NR3C1: variants seen among roughly 807,000 people sequenced by gnomAD.
The protein encoded by NR3C1 is nuclear receptor subfamily 3 group C member 1.
Under a neutral mutation model 74.0 loss-of-function variants are expected in NR3C1, and 14 were observed. That is an observed-to-expected ratio of 0.19 (90% CI 0.12 to 0.30). The LOEUF is 0.30. Ranked by LOEUF, NR3C1 falls within the 10% of genes least tolerant of loss-of-function variation. The pLI, the probability that NR3C1 is intolerant of heterozygous loss-of-function variation, is 1.00. For missense variants in NR3C1, 695 were observed against 909.8 expected, an observed-to-expected ratio of 0.76 and a Z score of 3.04; for synonymous variants, 308 against 332.5, an observed-to-expected ratio of 0.93 and a Z score of 0.80.
In NR3C1 at chr5:143,296,627, AT is replaced by A. The variant is rs201968387; in HGVS notation, c.1893-1038del. ...CTTGTTGGCTGTAAAAACAACAACA[AT>A]TTTTTTTTCCCCCACAACGTTCTGA... On this transcript the variant is annotated intron_variant, in intron 6 of 8. Transcript: ENST00000394464. Among the ~76,000 whole-genome samples the A allele has an allele frequency of 1.1e-3, 167 of 149,174 alleles. 3 individuals are homozygous for A. In the East Asian group the frequency reaches 0.022, roughly 20 times the overall value.
At chr5:143,433,466 A>AATTTGTTTATT (rs1461822676) in intron 1 of NR3C1, among the ~76,000 whole-genome samples, 1 of 133,804 alleles carries the variant, frequency 7.5e-6, no homozygotes, top group Non-Finnish European at 1.6e-5. Context: ...ATATATATAT[A>AATTTGTTTATT]TATATTTAAT....
chr5:143,404,784 C>G (rs553521707), upstream of NR3C1: 1 of 157,334 alleles, frequency 6.4e-6, no homozygotes, highest in East Asian at 1.9e-4. Context: ...TTCCGAAACT[C>G]CTGACCTCTT....
At chr5:143,372,151 T>C in intron 2 of NR3C1, among the ~76,000 whole-genome samples, 1 of 152,248 alleles carries the variant, frequency 6.6e-6, no homozygotes, top group East Asian at 1.9e-4. Context: ...ATTTCATGTA[T>C]AAAAGATTCA....
intron 2 of NR3C1, among the ~76,000 whole-genome samples, chr5:143,322,432 CA>C (rs1000323881): frequency 5.3e-5 from 8 of 152,054 alleles, no homozygotes; most frequent in African/African-American, 1.7e-4. Context: ...TGACATAATG[CA>C]AAAAAGGTGG....
chr5:143,397,748 T>C (rs1839492642), intron 2 of NR3C1, among the ~76,000 whole-genome samples: 1 of 151,902 alleles, frequency 6.6e-6, no homozygotes, highest in African/African-American at 2.4e-5. Flanking sequence ...CATAAGGTTA[T>C]GGGACCCAAA....
At chr5:143,435,162 T>C in exon 1 of NR3C1, 1 of 985,414 alleles carries the variant, frequency 1.0e-6, no homozygotes, top group Non-Finnish European at 1.2e-6. Context: ...CTAAGCAATT[T>C]TCCTCCCTGC....
At chr5:143,393,038 T>C (rs1838560677) in intron 2 of NR3C1, among the ~76,000 whole-genome samples, 1 of 152,120 alleles carries the variant, frequency 6.6e-6, no homozygotes, top group African/African-American at 2.4e-5. Flanking sequence ...GGGGTAGAAT[T>C]AGGGAAACTC....
intron 2 of NR3C1, among the ~76,000 whole-genome samples, chr5:143,339,697 T>C (rs1270126770): frequency 6.6e-6 from 1 of 152,178 alleles, no homozygotes; most frequent in Non-Finnish European, 1.5e-5. Context: ...ACCCTATCCT[T>C]CTCCTCCTTC....
At chr5:143,391,668 C>T (rs925726372) in intron 2 of NR3C1, among the ~76,000 whole-genome samples, 1 of 151,934 alleles carries the variant, frequency 6.6e-6, no homozygotes, top group South Asian at 2.1e-4. Flanking sequence ...AAAACTTTGT[C>T]GAAGGCGCTT....
upstream of NR3C1, chr5:143,405,054 G>A: frequency 1.1e-6 from 1 of 910,420 alleles, no homozygotes; most frequent in East Asian, 1.2e-4. Flanking sequence ...GGGCCGTGGG[G>A]CGAGGGGTGC....
intron 2 of NR3C1, among the ~76,000 whole-genome samples, chr5:143,377,216 G>GT (rs1411810783): frequency 6.6e-6 from 1 of 152,102 alleles, no homozygotes; most frequent in African/African-American, 2.4e-5. Flanking sequence ...AACAAAGCAG[G>GT]TTTAGGAGGG....
intron 2 of NR3C1, among the ~76,000 whole-genome samples, chr5:143,386,252 A>G (rs1837201171): frequency 6.6e-6 from 1 of 152,206 alleles, no homozygotes; most frequent in Admixed American, 6.5e-5. Flanking sequence ...ATATGTGAGG[A>G]TTATAATTCA....
intron 2 of NR3C1, among the ~76,000 whole-genome samples, chr5:143,357,927 T>A (rs1468936189): frequency 2.0e-5 from 3 of 152,222 alleles, no homozygotes; most frequent in African/African-American, 7.2e-5. Flanking sequence ...TTCTTTTGGT[T>A]AATAACTAAC....
At chr5:143,378,246 G>C (rs1835571899) in intron 2 of NR3C1, among the ~76,000 whole-genome samples, 1 of 151,930 alleles carries the variant, frequency 6.6e-6, no homozygotes, top group African/African-American at 2.4e-5. Context: ...GTGAGACCCT[G>C]TCTCTTAAAA....
At chr5:143,432,541 G>A (rs1429872437) in intron 1 of NR3C1, among the ~76,000 whole-genome samples, 1 of 152,144 alleles carries the variant, frequency 6.6e-6, no homozygotes, top group Admixed American at 6.5e-5. Flanking sequence ...ATATTTAGGG[G>A]AAAGACACTC....
Position 143,321,972 on chromosome 5 carries a change from A to G in NR3C1, c.1185-7804T>C, listed in dbSNP as rs10482660. Reference sequence around the variant, plus strand: ...GCCAGCATCTTGTACAAAGTTCAGTATATGTTCACTTATTTTTCTTATTTA... The same window carrying G: ...GCCAGCATCTTGTACAAAGTTCAGTGTATGTTCACTTATTTTTCTTATTTA... On this transcript the variant is annotated intron_variant, in intron 2 of 8. Transcript: ENST00000394464. Among the ~76,000 whole-genome samples the G allele has an allele frequency of 6.2e-4, 94 of 152,290 alleles. 2 individuals are homozygous for G. The East Asian group carries it at 0.014, about 23-fold the overall frequency.
chr5:143,331,188 C>A (rs142102055), intron 2 of NR3C1, among the ~76,000 whole-genome samples: 1 of 152,232 alleles, frequency 6.6e-6, no homozygotes, highest in African/African-American at 2.4e-5. Context: ...TCAACAAAAA[C>A]AAGTAATGGG....
At chr5:143,396,015 T>C (rs560190077) in intron 2 of NR3C1, among the ~76,000 whole-genome samples, 1 of 152,006 alleles carries the variant, frequency 6.6e-6, no homozygotes, top group South Asian at 2.1e-4. Context: ...ATTAAATAAG[T>C]AGCAAAAGTG....
chr5:143,292,798 G>A (rs933172101), intron 7 of NR3C1, among the ~76,000 whole-genome samples: 51 of 152,298 alleles, frequency 3.3e-4, no homozygotes, highest in African/African-American at 1.1e-3. Context: ...CCTGGCTTCA[G>A]TGGCATCTTT....
Sources: allele counts gnomAD v4.1 joint callset (sites outside exome capture counted in the v4.1 genomes callset), GRCh38; gene constraint gnomAD v4.1.1; transcripts MANE v1.5; gene names NCBI Gene and HGNC (gene_info 2026-07-23, HGNC 2026-07-21).